CWF19L2: variants seen among roughly 807,000 people sequenced by gnomAD.
The protein encoded by CWF19L2 is CWF19 like cell cycle control factor 2, also known as CWF19-like protein 2.
Under a neutral mutation model 111.7 loss-of-function variants are expected in CWF19L2, and 98 were observed. The ratio of observed to expected loss-of-function variants is 0.88; its 90% CI spans 0.75 to 1.04. The LOEUF is 1.04. CWF19L2 is among the 50% of genes least tolerant of loss of function. The pLI, the probability that CWF19L2 is intolerant of heterozygous loss-of-function variation, is 0.00. For missense variants in CWF19L2, 1,101 were observed against 1,051.4 expected (o/e 1.05, Z -0.65); for synonymous variants, 351 against 342.9 (o/e 1.02, Z -0.26).
rs1306941039 is a variant in CWF19L2 at position 107,334,942 on chromosome 11, TC to T, written c.2377del (p.Asp793MetfsTer6). The T allele has an allele frequency of 6.2e-7, 1 of 1,603,082 alleles. No individual in the cohort carries two copies. ...CTTCTTGTTCATGGACCACTCTTCA[TC>T]AGATTCCATTATGGCTTTCTAAGAA... ...IYFKKAIMES[D>X]EEWSMNKKLI... is the part of the protein sequence containing the mutation. On this transcript the variant is annotated frameshift_variant, in exon 16 of 18. Transcript: ENST00000282251. LOFTEE classifies it high-confidence loss of function.
intron 10 of CWF19L2, among the ~76,000 whole-genome samples, chr11:107,402,255 T>G (rs1861011747): frequency 6.6e-6 from 1 of 151,866 alleles, no homozygotes; most frequent in African/African-American, 2.4e-5. Flanking sequence ...CTAAAGAGCT[T>G]TTGCACAGCA....
chr11:107,428,226 T>G (rs1037007240), intron 8 of CWF19L2, among the ~76,000 whole-genome samples: 1 of 152,110 alleles, frequency 6.6e-6, no homozygotes, highest in Non-Finnish European at 1.5e-5. Flanking sequence ...CAACATATAT[T>G]TTATATTTAA....
chr11:107,434,672 C>CA (rs71044301), intron 6 of CWF19L2, among the ~76,000 whole-genome samples: 33,296 of 114,834 alleles, frequency 0.29, 4,304 homozygotes, highest in East Asian at 0.39. Flanking sequence ...TATTACACAG[C>CA]AAAAAAAAAA....
rs756011684 is a variant in CWF19L2, at chr11:107,378,318, G to GT, written c.1872+11755dup. Among the ~76,000 whole-genome samples the GT allele has an allele frequency of 5.1e-3, 772 of 150,222 alleles. 3 individuals are homozygous for GT. The highest frequency in any genetic ancestry group is 8.0e-3 in the Non-Finnish European group (541 of 67,554). ...TGCTGCTATAAAGACACATGCACAC[G>GT]TATGTTTATTGCGGCACTATTCACA... On this transcript the variant is annotated intron_variant, in intron 12 of 17. Transcript: ENST00000282251.
intron 9 of CWF19L2, among the ~76,000 whole-genome samples, chr11:107,416,689 T>C (rs1861231051): frequency 6.6e-6 from 1 of 152,242 alleles, no homozygotes; most frequent in South Asian, 2.1e-4. Context: ...GTTGATAATT[T>C]AGATGAAAAT....
intron 3 of CWF19L2, among the ~76,000 whole-genome samples, chr11:107,452,402 AT>A (rs1389917623): frequency 6.6e-6 from 1 of 152,202 alleles, no homozygotes; most frequent in African/African-American, 2.4e-5. Context: ...TGGAAAAAAA[AT>A]AACAAACGAC....
chr11:107,420,658 AT>A (rs1335577045), intron 8 of CWF19L2, among the ~76,000 whole-genome samples: 2 of 151,874 alleles, frequency 1.3e-5, no homozygotes, highest in Admixed American at 6.6e-5. Flanking sequence ...TATCTGTAGT[AT>A]TTTTTTTCCT....
chr11:107,367,208 A>C (rs1401820668), intron 12 of CWF19L2, among the ~76,000 whole-genome samples: 1 of 129,998 alleles, frequency 7.7e-6, no homozygotes, highest in Non-Finnish European at 1.7e-5. Context: ...GAGAAATAGG[A>C]ACACTTTTAC....
chr11:107,351,983 T>C (rs1860162143), intron 13 of CWF19L2, among the ~76,000 whole-genome samples: 1 of 152,192 alleles, frequency 6.6e-6, no homozygotes, highest in South Asian at 2.1e-4. Context: ...ATATCTCCTC[T>C]TCCCCCACCT....
chr11:107,326,822 G>T lies in CWF19L2; in HGVS notation c.*88C>A. ...TCTGCTGCTGTGACTCTCTCTGCCT[G>T]TGACCTGAGGGTCAGTTGCTTCATT... On this transcript the variant is annotated 3_prime_UTR_variant, in exon 18 of 18. Coordinates refer to ENST00000282251, the MANE Select transcript of CWF19L2 (RefSeq NM_152434.3). The T allele has an allele frequency of 8.8e-7, 1 of 1,134,888 alleles. No homozygotes were observed. Among genetic ancestry groups the T allele is most frequent in the Non-Finnish European group, 1.2e-6 (1 of 804,330 alleles). The allele number at this position is 1,134,888 out of a possible 1,614,324, so 70.3% of individuals were successfully genotyped here.
chr11:107,429,557 G>A, intron 7 of CWF19L2, 106 bp from the exon 8 acceptor site: 3 of 801,836 alleles, frequency 3.7e-6, no homozygotes, highest in South Asian at 2.0e-5. Flanking sequence ...ACACTGAAAA[G>A]CCCACTAACG....
intron 1 of CWF19L2, 37 bp downstream of exon 1, chr11:107,457,675 A>G: frequency 6.8e-7 from 1 of 1,476,118 alleles, no homozygotes; most frequent in Non-Finnish European, 9.3e-7. Context: ...AACTCCCACA[A>G]CAATAAATAA....
chr11:107,445,626 GCC>G (rs1457439493), intron 3 of CWF19L2, among the ~76,000 whole-genome samples: 75 of 148,016 alleles, frequency 5.1e-4, no homozygotes, highest in African/African-American at 1.9e-3. Flanking sequence ...AAAAGTAGTA[GCC>G]CTAGATCAGA....
intron 12 of CWF19L2, among the ~76,000 whole-genome samples, chr11:107,356,230 C>T (rs2356280): frequency 0.24 from 35,764 of 151,948 alleles, 4,542 homozygotes; most frequent in Non-Finnish European, 0.29. Flanking sequence ...TGGTATGCTG[C>T]TAAAGCATAA....
Position 107,326,926 on chromosome 11 carries a change from T to A in CWF19L2, c.2669A>T (p.Lys890Ile). 6.3e-7 allele frequency: 1 copy of A among 1,598,784 alleles called. No individual in the cohort carries two copies. Among genetic ancestry groups the A allele is most frequent in the Admixed American group, 1.8e-5 (1 of 56,266 alleles). The change falls in exon 18 of 18, where the codon AAA (lysine) becomes ATA (isoleucine). Residue 890 changes from lysine (K) to isoleucine (I), a missense_variant. Physicochemically the swap from Lys to Ile is moderately radical, Grantham distance 102. Transcript: ENST00000282251. ...AQWWKPYDFTKSKNY is the reference protein window; with the variant it reads ...AQWWKPYDFTISKNY ...AGGTACACCTCAATAGTTTTTACTT[T>A]TGGTGAAGTCATATGGTTTCCACCA... is the stretch of plus-strand genomic sequence containing the variant.
intron 8 of CWF19L2, among the ~76,000 whole-genome samples, chr11:107,427,699 T>C (rs1004531535): frequency 2.6e-5 from 4 of 152,124 alleles, no homozygotes; most frequent in African/African-American, 9.7e-5. Context: ...CCAGGGCACC[T>C]GGAGTGAAGA....
intron 12 of CWF19L2, among the ~76,000 whole-genome samples, chr11:107,360,069 C>T (rs1842574188): frequency 6.6e-6 from 1 of 152,190 alleles, no homozygotes; most frequent in African/African-American, 2.4e-5. Flanking sequence ...AAATAATGTA[C>T]ATTGCATCCA....
intron 12 of CWF19L2, among the ~76,000 whole-genome samples, chr11:107,370,028 A>G (rs907490079): frequency 7.3e-6 from 1 of 137,622 alleles, no homozygotes; most frequent in Non-Finnish European, 1.6e-5. Flanking sequence ...TCCATTATTG[A>G]CATAACTACC....
At chr11:107,377,954 G>A (rs1405074630) in intron 12 of CWF19L2, among the ~76,000 whole-genome samples, 1,552 of 132,214 alleles carry the variant, frequency 0.012, 4 homozygotes, top group African/African-American at 0.019. Context: ...CAAGTGGGCG[G>A]AGGATATGAA....
Sources: gnomAD v4.1 joint callset for allele counts (sites outside exome capture counted in the v4.1 genomes callset) on GRCh38, gnomAD v4.1.1 for gene constraint, MANE v1.5 for transcripts, NCBI Gene and HGNC (gene_info 2026-07-23, HGNC 2026-07-21) for gene names.